The following ITGAM variants were observed in gnomAD, a reference collection of about 807,000 sequenced individuals.
ITGAM encodes the protein integrin subunit alpha M.
A neutral mutation model predicts 137.5 loss-of-function variants in ITGAM; 79 were observed. The ratio of observed to expected loss-of-function variants is 0.57; its 90% confidence interval spans 0.48 to 0.69. ITGAM has a LOEUF of 0.69. Ranked by LOEUF, ITGAM falls within the 30% of genes least tolerant of loss-of-function variation. The pLI is 0.00. For synonymous variants in ITGAM, 583 were observed against 592.3 expected (o/e 0.98, Z 0.23); for missense variants, 1,343 against 1,483.5 (o/e 0.91, Z 1.56).
At chr16:31,330,958 G>A (rs534302976) in intron 28 of ITGAM, among the ~76,000 whole-genome samples, 2 of 151,768 alleles carry the variant, frequency 1.3e-5, no homozygotes, top group Non-Finnish European at 2.9e-5. Context: ...GAGACAGAGA[G>A]AGGCAGAAAG....
intron 14 of ITGAM, among the ~76,000 whole-genome samples, chr16:31,310,098 C>G (rs1272651316): frequency 4.0e-5 from 6 of 150,846 alleles, no homozygotes; most frequent in Admixed American, 6.6e-5. Context: ...TTGTGGGTAA[C>G]CCAACCTTTC....
rs772675002 is a variant in ITGAM at position 31,324,734 on chromosome 16, C to A, written c.2241C>A (p.Asn747Lys). 15 of 1,595,134 alleles carry A rather than the reference C, an allele frequency of 9.4e-6. No individual in the cohort carries two copies. The highest frequency in any genetic ancestry group is 1.8e-5 in the Admixed American group (1 of 56,938). ...LVGTPLSAFG[N>K]LRPVLAEDAQ... is the part of the protein sequence containing the mutation. ...GAACGCCATTGTCTGCTTTCGGGAACCTCCGGCCAGTGCTGGCGGAGGATG... is the reference window on the plus strand; with the variant it reads ...GAACGCCATTGTCTGCTTTCGGGAAACTCCGGCCAGTGCTGGCGGAGGATG... Residue 747 changes from asparagine (N) to lysine (K), a missense_variant, in exon 18 of 30, where the codon AAC (asparagine) becomes AAA (lysine). Asn to Lys is a moderately conservative substitution (Grantham distance 94). Transcript: ENST00000544665. The surrounding 1 kb of genome is among the most constrained non-coding windows in gnomAD (Gnocchi z 4.5).
chr16:31,297,843 G>A lies in ITGAM; in HGVS notation c.1596G>A (p.Gly532=), dbSNP rs1024250969. The A allele has an allele frequency of 6.2e-7, 1 of 1,613,892 alleles. No homozygotes were observed. Among genetic ancestry groups the A allele is most frequent in the African/African-American group, 1.3e-5 (1 of 74,912 alleles). The change falls in exon 14 of 30, where the codon GGG becomes GGA. Residue 532 remains glycine (G), a synonymous_variant. Transcript: ENST00000544665. ...TAACAGTGCTGGGGGACGTAAATGG[G>A]GACAAGCTGACGGACGTGGCCATTG... is the stretch of plus-strand genomic sequence containing the variant. ...AALTVLGDVN[G]DKLTDVAIGA... is the part of the protein sequence containing the mutation.
intron 14 of ITGAM, among the ~76,000 whole-genome samples, chr16:31,307,328 A>G (rs906839793): frequency 6.6e-5 from 10 of 152,128 alleles, no homozygotes; most frequent in African/African-American, 2.4e-4. Flanking sequence ...TTCATTGAGC[A>G]GTGGTTTGTA....
chr16:31,322,263 C>T (rs1254876181), intron 16 of ITGAM, among the ~76,000 whole-genome samples: 1 of 152,056 alleles, frequency 6.6e-6, no homozygotes, highest in Admixed American at 6.6e-5. Flanking sequence ...TTGAGGCCAG[C>T]CTGGGCAACA....
chr16:31,294,832 T>C (rs1470452441), intron 12 of ITGAM, among the ~76,000 whole-genome samples: 1 of 152,200 alleles, frequency 6.6e-6, no homozygotes, highest in Non-Finnish European at 1.5e-5. Flanking sequence ...CCCTTTGTTT[T>C]CTTCTAGTAG....
chr16:31,291,633 G>T (rs2080088050), intron 12 of ITGAM, among the ~76,000 whole-genome samples: 1 of 151,986 alleles, frequency 6.6e-6, no homozygotes, highest in Non-Finnish European at 1.5e-5. Flanking sequence ...CTTGTGATTT[G>T]CAATAACAGG....
chr16:31,321,497 G>T lies in ITGAM; in HGVS notation c.1872G>T (p.Met624Ile). 6.2e-7 allele frequency: 1 copy of T among 1,614,040 alleles called. No homozygotes were observed. Residue 624 changes from methionine (M) to isoleucine (I), a missense_variant, in exon 16 of 30, where the codon ATG becomes ATT. Physicochemically the swap from Met to Ile is conservative, Grantham distance 10 (BLOSUM62 1). Transcript: ENST00000544665. ...CAGTACTGAGAGTCAAGGCAATCAT[G>T]GAGTTCAATCCCAGGGAAGTGGCAA... ...SQPVLRVKAI[M>I]EFNPREVARN...
intron 3 of ITGAM, 131 bp downstream of exon 3, chr16:31,265,629 T>A: frequency 1.3e-6 from 1 of 745,460 alleles, no homozygotes; most frequent in Non-Finnish European, 2.2e-6. Flanking sequence ...CTCCTCTGCC[T>A]GCAGTCTCTA....
chr16:31,329,124 C>T, intron 23 of ITGAM, 104 bp from the exon 24 acceptor site: 1 of 502,332 alleles, frequency 2.0e-6, no homozygotes. Flanking sequence ...GACTTCATAC[C>T]CATTACCCAT....
rs41508646 is a variant in ITGAM at position 31,332,001 on chromosome 16, G to A, written c.*294G>A. ...CGTGTGTCCATGTGTGTGCAAGTGT[G>A]TGCATGTGTGCGAGTGTGTGCATGT... On this transcript the variant is annotated 3_prime_UTR_variant, in exon 30 of 30. Transcript: ENST00000544665. 682 of 457,996 alleles carry A rather than the reference G, an allele frequency of 1.5e-3. 5 individuals are homozygous for A. Among genetic ancestry groups the A allele is most frequent in the African/African-American group, 0.012 (603 of 49,124 alleles). The allele number at this position is 457,996 out of a possible 1,614,324, so 28.4% of individuals were successfully genotyped here. A position where few individuals can be genotyped will look rare whatever the true frequency, so the allele number is the denominator to read the frequency against.
chr16:31,324,374 C>G lies in ITGAM; in HGVS notation c.2003-25C>G, dbSNP rs2080482499. 2.6e-6 allele frequency: 4 copies of G among 1,549,742 alleles called. No homozygotes were observed. Among genetic ancestry groups the G allele is most frequent in the Non-Finnish European group, 2.6e-6 (3 of 1,145,412 alleles). Reference sequence around the variant, plus strand: ...CGGGTTCCGAGGCTCAGGCCCCTCACTGCTGTGCCACCCTGTCCCTTCAGG... The same window carrying G: ...CGGGTTCCGAGGCTCAGGCCCCTCAGTGCTGTGCCACCCTGTCCCTTCAGG... On this transcript the variant is annotated intron_variant, in intron 16 of 29. Coordinates refer to ENST00000544665, the MANE Select transcript of ITGAM (RefSeq NM_000632.4). This position sits in a 1 kb window ranked among gnomAD's most constrained non-coding sequence, Gnocchi z 4.5.
At chr16:31,331,107 T>TG in intron 28 of ITGAM, 58 bp from the exon 29 acceptor site, 1 of 895,398 alleles carries the variant, frequency 1.1e-6, no homozygotes, top group South Asian at 1.5e-5. Flanking sequence ...ACGGTGTGAA[T>TG]GGGGAACCCC....
At position 31,275,690 on chromosome 16, in the gene ITGAM, G is replaced by A. The variant is rs759283006; in HGVS notation, c.1000G>A (p.Ala334Thr). The change falls in exon 9 of 30, where the codon GCG becomes ACG. Residue 334 changes from alanine to threonine, a missense_variant. By Grantham distance (58) the Ala-to-Thr change is moderately conservative. Coordinates refer to ENST00000544665, the MANE Select transcript of ITGAM (RefSeq NM_000632.4). ...IQNQLREKIF[A>T]IEGTQTGSSS... ...GAACCAGCTTCGGGAGAAGATCTTT[G>A]CGATCGAGGGTGAGTCAGGCATCTG... is the stretch of plus-strand genomic sequence containing the variant. 20 of 1,613,840 alleles carry A rather than the reference G, an allele frequency of 1.2e-5. No homozygotes were observed. The highest frequency in any genetic ancestry group is 1.6e-5 in the Non-Finnish European group (19 of 1,179,820).
intron 19 of ITGAM, 105 bp downstream of exon 19, chr16:31,325,136 G>T (rs751379878): frequency 1.8e-4 from 266 of 1,457,282 alleles, no homozygotes; most frequent in Non-Finnish European, 2.4e-4. Flanking sequence ...TGGGCTATAA[G>T]GTCCGGTGTG....
At chr16:31,320,290 T>C (rs2080435581) in intron 14 of ITGAM, among the ~76,000 whole-genome samples, 1 of 152,252 alleles carries the variant, frequency 6.6e-6, no homozygotes, top group East Asian at 1.9e-4. Flanking sequence ...AATTTACAGT[T>C]ATTTATATTG....
At chr16:31,313,034 A>G (rs2068393164) in intron 14 of ITGAM, among the ~76,000 whole-genome samples, 1 of 152,056 alleles carries the variant, frequency 6.6e-6, no homozygotes, top group African/African-American at 2.4e-5. Context: ...CCTTGCCAAC[A>G]TGGTGAAACC....
chr16:31,321,775 G>T, intron 16 of ITGAM, 148 bp downstream of exon 16: 1 of 812,006 alleles, frequency 1.2e-6, no homozygotes, highest in Non-Finnish European at 1.9e-6. Context: ...GAGTGAGCAG[G>T]CTATTGTCCT....
At chr16:31,293,277 T>A (rs760506894) in intron 12 of ITGAM, among the ~76,000 whole-genome samples, 4 of 152,184 alleles carry the variant, frequency 2.6e-5, no homozygotes, top group Non-Finnish European at 4.4e-5. Flanking sequence ...TTTTTGCTTT[T>A]GTTGAGATTG....
Sources: gnomAD v4.1 joint callset for allele counts (sites outside exome capture counted in the v4.1 genomes callset) on GRCh38, gnomAD v4.1.1 for gene constraint, Gnocchi (gnomAD v3.1) non-coding constraint, MANE v1.5 for transcripts, NCBI Gene and HGNC (gene_info 2026-07-23, HGNC 2026-07-21) for gene names.